Variants in COBL observed in about 807,000 individuals in gnomAD.
The protein encoded by COBL is cordon-bleu WH2 repeat protein, also known as protein cordon-bleu.
Under a neutral mutation model 98.8 loss-of-function variants are expected in COBL, and 51 were observed. That is an observed-to-expected ratio of 0.52 (90% CI 0.41 to 0.65). COBL has a LOEUF of 0.65. Among genes scored for constraint, COBL ranks in the 30% least tolerant of loss-of-function variants. COBL has a pLI of 0.00. For missense variants in COBL, 1,617 were observed against 1,617.5 expected (o/e 1.00, Z 0.01); for synonymous variants, 634 against 651.7 (o/e 0.97, Z 0.41).
chr7:51,270,803 T>C (rs1192763674), intron 1 of COBL, among the ~76,000 whole-genome samples: 1 of 151,718 alleles, frequency 6.6e-6, no homozygotes, highest in Non-Finnish European at 1.5e-5. Context: ...GTGCCTAAAA[T>C]ACATTTTATT....
chr7:51,178,378 T>C (rs796830978), intron 5 of COBL, among the ~76,000 whole-genome samples: 1 of 152,304 alleles, frequency 6.6e-6, no homozygotes, highest in African/African-American at 2.4e-5. Flanking sequence ...AAAACTTATC[T>C]GTGTGGTCAA....
chr7:51,226,836 C>A (rs1563062880), intron 1 of COBL, among the ~76,000 whole-genome samples: 2 of 152,166 alleles, frequency 1.3e-5, no homozygotes. Flanking sequence ...CCATGCCACA[C>A]TGTGTATGTT....
chr7:51,230,664 C>T (rs1202736119), intron 1 of COBL, among the ~76,000 whole-genome samples: 2 of 152,232 alleles, frequency 1.3e-5, no homozygotes, highest in South Asian at 2.1e-4. Context: ...TCCTCAAGGA[C>T]GGCTCCATCT....
At chr7:51,313,143 T>C (rs1042857044) in intron 1 of COBL, among the ~76,000 whole-genome samples, 2 of 152,244 alleles carry the variant, frequency 1.3e-5, no homozygotes, top group African/African-American at 2.4e-5. Flanking sequence ...CAGTTCATTA[T>C]ACATGCTCTC....
At chr7:51,284,497 T>A (rs1299516033) in intron 1 of COBL, among the ~76,000 whole-genome samples, 1 of 150,572 alleles carries the variant, frequency 6.6e-6, no homozygotes, top group African/African-American at 2.4e-5. Context: ...TCTCAGTAAA[T>A]TAGAAATAAA....
At position 51,025,285 on chromosome 7, in the gene COBL, G is replaced by C. The variant is rs541523816; in HGVS notation, c.3592C>G (p.Leu1198Val). 3 of 1,611,624 alleles carry C rather than the reference G, an allele frequency of 1.9e-6. No individual in the cohort carries two copies. In the African/African-American group the frequency reaches 4.0e-5, roughly 21 times the overall value. ...QGSESPLLED[L>V]GLLSPPAIPP... ...ATGGCTGGTGGGGACAGAAGACCAA[G>C]GTCTTCTAGCAGAGGACTTTCCGAG... The change falls in exon 12 of 13, where the codon CTT becomes GTT. Residue 1198 changes from leucine to valine, a missense_variant. Transcript: ENST00000265136.
At chr7:51,270,398 C>T (rs1467902122) in intron 1 of COBL, among the ~76,000 whole-genome samples, 1 of 152,228 alleles carries the variant, frequency 6.6e-6, no homozygotes, top group Non-Finnish European at 1.5e-5. Flanking sequence ...CATTCATTCA[C>T]ATATCTATGA....
Position 51,203,234 on chromosome 7 carries a change from G to A in COBL, c.246-9645C>T, listed in dbSNP as rs573768385. Reference sequence around the variant, plus strand: ...AAAAAAACTCTTGGGAGGCCGAGGCGGGCGGATCACGAGGTCAGGAGATCG... The same window carrying A: ...AAAAAAACTCTTGGGAGGCCGAGGCAGGCGGATCACGAGGTCAGGAGATCG... On this transcript the variant is annotated intron_variant, in intron 2 of 12. Coordinates refer to ENST00000265136, the MANE Select transcript of COBL (RefSeq NM_015198.5). Among the ~76,000 whole-genome samples the A allele has an allele frequency of 1.0e-4, 12 of 116,318 alleles. 1 individual carries two copies. The highest frequency in any genetic ancestry group is 3.5e-4 in the African/African-American group (8 of 23,184). The allele number at this position is 116,318 out of a possible 152,430, so 76.3% of individuals were successfully genotyped here. A position where few individuals can be genotyped will look rare whatever the true frequency, so the allele number is the denominator to read the frequency against.
intron 5 of COBL, among the ~76,000 whole-genome samples, chr7:51,158,330 A>T (rs1786402154): frequency 6.6e-6 from 1 of 152,238 alleles, no homozygotes; most frequent in African/African-American, 2.4e-5. Flanking sequence ...TTATGTTGAA[A>T]GAATGGAGAA....
intron 1 of COBL, among the ~76,000 whole-genome samples, chr7:51,302,005 C>G (rs1436843282): frequency 2.0e-5 from 3 of 152,210 alleles, no homozygotes; most frequent in Non-Finnish European, 4.4e-5. Flanking sequence ...AGGGGCCTCT[C>G]CCCTGGTTGG....
intron 5 of COBL, among the ~76,000 whole-genome samples, chr7:51,146,859 A>C (rs1265579849): frequency 6.6e-6 from 1 of 152,146 alleles, no homozygotes; most frequent in East Asian, 1.9e-4. Context: ...GACCTACAAA[A>C]GTTACTTAAT....
rs1277480405 is a variant in COBL at position 51,025,120 on chromosome 7, T to C, written c.3757A>G (p.Arg1253Gly). 1 of 1,611,900 alleles carries C rather than the reference T, an allele frequency of 6.2e-7. No individual in the cohort carries two copies. Among genetic ancestry groups the C allele is most frequent in the Admixed American group, 1.7e-5 (1 of 60,006 alleles). The change falls in exon 12 of 13, where the codon AGA (arginine) becomes GGA (glycine). Residue 1253 changes from arginine (R) to glycine (G), a missense_variant. Arg to Gly is a moderately radical substitution (Grantham distance 125). Around this residue, in one of 3 missense-constraint regions of COBL, gnomAD observed 1,304 missense variants for 1,282.0 expected, o/e 1.02. Coordinates refer to ENST00000265136, the MANE Select transcript of COBL (RefSeq NM_015198.5). ...ACAGTCGCCATCACCTTTCTCAGTCTCGCAGCCCCTGTGCCGGAGCGGATG... is the reference window on the plus strand; with the variant it reads ...ACAGTCGCCATCACCTTTCTCAGTCCCGCAGCCCCTGTGCCGGAGCGGATG... ...DAIRSGTGAA[R>G]LRKVPLLV
intron 7 of COBL, among the ~76,000 whole-genome samples, chr7:51,053,623 G>C (rs770733195): frequency 1.2e-4 from 18 of 152,234 alleles, no homozygotes; most frequent in Admixed American, 2.6e-4. Flanking sequence ...CTATAACTCA[G>C]AGAAGATGTC....
chr7:51,084,404 G>A (rs1232616972), intron 7 of COBL, among the ~76,000 whole-genome samples: 1 of 152,102 alleles, frequency 6.6e-6, no homozygotes, highest in African/African-American at 2.4e-5. Flanking sequence ...AGCTCAGGAA[G>A]GTGTGACTCC....
At chr7:51,137,767 G>A in intron 5 of COBL, among the ~76,000 whole-genome samples, 1 of 152,138 alleles carries the variant, frequency 6.6e-6, no homozygotes, top group Non-Finnish European at 1.5e-5. Context: ...AACAGTTCCT[G>A]GTAGGTGGAG....
chr7:51,166,146 A>G (rs1041828706), intron 5 of COBL, among the ~76,000 whole-genome samples: 2 of 152,032 alleles, frequency 1.3e-5, no homozygotes, highest in African/African-American at 4.8e-5. Context: ...AATGAAGACA[A>G]TAATACAAAA....
At chr7:51,281,897 TA>T (rs1466610687) in intron 1 of COBL, among the ~76,000 whole-genome samples, 2 of 152,124 alleles carry the variant, frequency 1.3e-5, no homozygotes, top group Non-Finnish European at 2.9e-5. Flanking sequence ...TTGAGTTCTT[TA>T]AAATGTAGAT....
chr7:51,150,289 C>G (rs555121785), intron 5 of COBL, among the ~76,000 whole-genome samples: 13 of 152,308 alleles, frequency 8.5e-5, no homozygotes, highest in Admixed American at 7.8e-4. Context: ...ACTCAGAAGG[C>G]CTGCAGCCTA....
intron 2 of COBL, among the ~76,000 whole-genome samples, chr7:51,208,320 C>A (rs968957557): frequency 1.3e-5 from 2 of 151,828 alleles, no homozygotes; most frequent in African/African-American, 4.8e-5. Flanking sequence ...CCGGCAGCCA[C>A]CCCGTCCAGG....
Sources: gnomAD v4.1 joint callset for allele counts (sites outside exome capture counted in the v4.1 genomes callset) on GRCh38, gnomAD v4.1.1 for gene constraint, gnomAD v4.1.1 regional missense constraint, MANE v1.5 for transcripts, NCBI Gene and HGNC (gene_info 2026-07-23, HGNC 2026-07-21) for gene names.